ASIC2: variants seen among roughly 807,000 people sequenced by gnomAD.
The protein encoded by ASIC2 is acid sensing ion channel subunit 2.
ASIC2 carries 25 observed loss-of-function variants against 57.3 expected under a neutral mutation model. That is an observed-to-expected ratio of 0.44 (90% CI 0.32 to 0.61). The LOEUF (loss-of-function observed/expected upper bound fraction) is 0.61, where lower values mean the gene tolerates loss of function less well. ASIC2 is among the 20% of genes least tolerant of loss of function. ASIC2 has a pLI of 0.06. For missense variants in ASIC2, 641 were observed against 738.1 expected, an observed-to-expected ratio of 0.87 and a Z score of 1.52; for synonymous variants, 319 against 307.5, an observed-to-expected ratio of 1.04 and a Z score of -0.39.
Position 33,657,757 on chromosome 17 carries a change from T to TAAAA in ASIC2, c.555+498217_555+498220dup, listed in dbSNP as rs34103812. On this transcript the variant is annotated intron_variant, in intron 1 of 9. Transcript: ENST00000359872. ...TGCCTCAGACACCTTTGGCAGTTTC[T>TAAAA]AAAAAAAAAAAAAAAAAAAAAAGTC... 2.6e-3 allele frequency among the ~76,000 whole-genome samples: 272 copies of TAAAA among 103,464 alleles called. 1 individual carries two copies. The highest frequency in any genetic ancestry group is 9.4e-3 in the African/African-American group (261 of 27,864). 67.9% of individuals were successfully genotyped at this position (103,464 alleles called of 152,430 possible). A position where few individuals can be genotyped will look rare whatever the true frequency, so the allele number is the denominator to read the frequency against.
chr17:33,541,566 A>G (rs1032640147), intron 1 of ASIC2, among the ~76,000 whole-genome samples: 2 of 152,208 alleles, frequency 1.3e-5, no homozygotes, highest in African/African-American at 4.8e-5. Context: ...GGGAGGCTCA[A>G]CGGAAACTCA....
intron 1 of ASIC2, among the ~76,000 whole-genome samples, chr17:33,896,976 A>C (rs1567749694): frequency 6.6e-6 from 1 of 152,222 alleles, no homozygotes; most frequent in Non-Finnish European, 1.5e-5. Context: ...ATAAAGGAGA[A>C]GCTAGTTGGT....
At chr17:33,032,440 GTTTTTTTTTTTTTTT>G (rs60183644) in intron 3 of ASIC2, among the ~76,000 whole-genome samples, 1 of 94,116 alleles carries the variant, frequency 1.1e-5, no homozygotes, top group African/African-American at 4.7e-5. Context: ...ATAATACACT[GTTTTTTTTTTTTTTT>G]TTTTTTTTTT....
At chr17:33,139,064 A>G (rs7220529) in intron 1 of ASIC2, among the ~76,000 whole-genome samples, 46,032 of 151,948 alleles carry the variant, frequency 0.3, 7,263 homozygotes, top group East Asian at 0.39. Context: ...GCAGGGCTGG[A>G]CAATCCCTAA....
chr17:34,154,163 A>G (rs1275437823), intron 1 of ASIC2, among the ~76,000 whole-genome samples: 1 of 152,166 alleles, frequency 6.6e-6, no homozygotes, highest in East Asian at 1.9e-4. Flanking sequence ...AGACAGAGGA[A>G]CAGCTGAGTG....
chr17:34,051,640 C>CATTA (rs1328201075), intron 1 of ASIC2: 1 of 152,174 alleles, frequency 6.6e-6, no homozygotes, highest in East Asian at 1.9e-4. Flanking sequence ...CAAGGTCTGA[C>CATTA]ATTTAATGAG....
At chr17:33,129,128 A>G (rs2092335549) in intron 1 of ASIC2, among the ~76,000 whole-genome samples, 1 of 152,238 alleles carries the variant, frequency 6.6e-6, no homozygotes, top group Admixed American at 6.5e-5. Flanking sequence ...TTCAGAGGCT[A>G]TGTAAAGTGA....
chr17:33,087,017 C>T (rs187846163), intron 3 of ASIC2, among the ~76,000 whole-genome samples: 1 of 152,288 alleles, frequency 6.6e-6, no homozygotes, highest in Non-Finnish European at 1.5e-5. Context: ...GTTCATGCTG[C>T]ACCCTCTTCC....
intron 1 of ASIC2, among the ~76,000 whole-genome samples, chr17:33,637,675 TAAG>T (rs1906415398): frequency 6.6e-6 from 1 of 152,026 alleles, no homozygotes; most frequent in Non-Finnish European, 1.5e-5. Context: ...AGAAAGCAAA[TAAG>T]GAAGGAAGGA....
intron 1 of ASIC2, among the ~76,000 whole-genome samples, chr17:33,171,266 C>G (rs1053955799): frequency 1.3e-5 from 2 of 152,214 alleles, no homozygotes; most frequent in East Asian, 1.9e-4. Context: ...AGTTGACTAG[C>G]AAATTCCTAT....
chr17:34,036,143 C>T (rs1907866810), intron 1 of ASIC2, among the ~76,000 whole-genome samples: 2 of 151,898 alleles, frequency 1.3e-5, no homozygotes, highest in South Asian at 4.2e-4. Flanking sequence ...CAACGATAGA[C>T]TGGATTAAGA....
chr17:33,302,265 G>A (rs777122430), intron 1 of ASIC2, among the ~76,000 whole-genome samples: 6 of 152,158 alleles, frequency 3.9e-5, no homozygotes, highest in South Asian at 2.1e-4. Flanking sequence ...ATAGTTAAGC[G>A]TAATAACCTT....
At chr17:33,242,757 T>C (rs1908553582) in intron 1 of ASIC2, among the ~76,000 whole-genome samples, 1 of 152,182 alleles carries the variant, frequency 6.6e-6, no homozygotes, top group African/African-American at 2.4e-5. Flanking sequence ...ACCTTCTCAG[T>C]CCTCCTTACA....
At chr17:33,140,751 C>T (rs1307715129) in intron 1 of ASIC2, among the ~76,000 whole-genome samples, 1 of 152,218 alleles carries the variant, frequency 6.6e-6, no homozygotes, top group African/African-American at 2.4e-5. Context: ...CTGAAAGAGA[C>T]CCACGGCTCC....
chr17:33,858,697 C>G (rs1914026102), intron 1 of ASIC2, among the ~76,000 whole-genome samples: 1 of 152,224 alleles, frequency 6.6e-6, no homozygotes, highest in Non-Finnish European at 1.5e-5. Flanking sequence ...GAGAGCAGAG[C>G]TCTGCACCTG....
chr17:33,133,540 C>T (rs1017191533), intron 1 of ASIC2, among the ~76,000 whole-genome samples: 3 of 152,162 alleles, frequency 2.0e-5, no homozygotes, highest in African/African-American at 7.2e-5. Context: ...GAAACTTAGA[C>T]TCTCAGAAGT....
intron 1 of ASIC2, among the ~76,000 whole-genome samples, chr17:33,708,363 A>G (rs2142074121): frequency 6.6e-6 from 1 of 152,186 alleles, no homozygotes; most frequent in South Asian, 2.1e-4. Context: ...TCTAACATCC[A>G]AAGTTATCTT....
At chr17:34,120,608 T>A (rs924234178) in intron 1 of ASIC2, among the ~76,000 whole-genome samples, 1 of 151,250 alleles carries the variant, frequency 6.6e-6, no homozygotes, top group African/African-American at 2.4e-5. Flanking sequence ...TAAATCGCAG[T>A]AACTCAGAAG....
At chr17:33,984,747 A>G (rs563093564) in intron 1 of ASIC2, among the ~76,000 whole-genome samples, 3 of 152,236 alleles carry the variant, frequency 2.0e-5, no homozygotes, top group Non-Finnish European at 4.4e-5. Context: ...TTTGATCCTA[A>G]GCAAGGCATG....
Sources: allele counts gnomAD v4.1 joint callset (sites outside exome capture counted in the v4.1 genomes callset), GRCh38; gene constraint gnomAD v4.1.1; transcripts MANE v1.5; gene names NCBI Gene and HGNC (gene_info 2026-07-23, HGNC 2026-07-21).